NLGN1: variants seen among roughly 807,000 people sequenced by gnomAD.
NLGN1 encodes neuroligin 1.
A neutral mutation model predicts 65.5 loss-of-function variants in NLGN1; 12 were observed. The ratio of observed to expected loss-of-function variants is 0.18; its 90% confidence interval spans 0.12 to 0.30. The LOEUF (loss-of-function observed/expected upper bound fraction) is 0.30, where lower values mean the gene tolerates loss of function less well. Among genes scored for constraint, NLGN1 ranks in the 10% least tolerant of loss-of-function variants. NLGN1 has a pLI of 1.00. For synonymous variants in NLGN1, 350 were observed against 359.5 expected (o/e 0.97, Z 0.30); for missense variants, 750 against 1,007.1 (o/e 0.74, Z 3.46).
At chr3:173,397,284 C>T (rs138067271), upstream of NLGN1, among the ~76,000 whole-genome samples, 8 of 152,218 alleles carry the variant, frequency 5.3e-5, no homozygotes, top group East Asian at 1.5e-3. Context: ...GAGACGAAGC[C>T]GTGTCTAAAT....
intron 1 of NLGN1, among the ~76,000 whole-genome samples, chr3:173,425,885 T>A (rs1318185781): frequency 6.6e-6 from 1 of 152,184 alleles, no homozygotes; most frequent in Non-Finnish European, 1.5e-5. Context: ...ATTGTTATTT[T>A]GATAGGAATT....
At chr3:173,471,924 A>G (rs1457546242) in intron 2 of NLGN1, among the ~76,000 whole-genome samples, 4 of 152,182 alleles carry the variant, frequency 2.6e-5, no homozygotes, top group Non-Finnish European at 5.9e-5. Flanking sequence ...GCAGGTTTGC[A>G]AATTTTAGCA....
intron 4 of NLGN1, among the ~76,000 whole-genome samples, chr3:174,029,969 A>G (rs1729625334): frequency 6.6e-6 from 1 of 152,142 alleles, no homozygotes; most frequent in African/African-American, 2.4e-5. Flanking sequence ...AGTCTCAGCT[A>G]TGTCTTTATT....
At chr3:173,455,597 G>C (rs1722377579) in intron 2 of NLGN1, among the ~76,000 whole-genome samples, 1 of 152,054 alleles carries the variant, frequency 6.6e-6, no homozygotes, top group South Asian at 2.1e-4. Flanking sequence ...AAATGGTGCT[G>C]ATAGACTTGG....
At chr3:173,999,239 A>G (rs1722831576) in intron 4 of NLGN1, among the ~76,000 whole-genome samples, 1 of 152,196 alleles carries the variant, frequency 6.6e-6, no homozygotes, top group Non-Finnish European at 1.5e-5. Context: ...ATATTCTCAT[A>G]ATAGAAGGTC....
intron 4 of NLGN1, among the ~76,000 whole-genome samples, chr3:174,095,703 A>G (rs1745392752): frequency 6.6e-6 from 1 of 152,066 alleles, no homozygotes; most frequent in Non-Finnish European, 1.5e-5. Flanking sequence ...TATATATATT[A>G]CATTCATAAT....
intron 4 of NLGN1, among the ~76,000 whole-genome samples, chr3:174,037,445 A>G (rs1370651403): frequency 1.3e-5 from 2 of 152,194 alleles, no homozygotes; most frequent in African/African-American, 4.8e-5. Context: ...CAGCATGACT[A>G]TACTGGAGAA....
intron 2 of NLGN1, among the ~76,000 whole-genome samples, chr3:173,440,417 A>G (rs1348080480): frequency 1.3e-5 from 2 of 152,132 alleles, no homozygotes; most frequent in African/African-American, 2.4e-5. Flanking sequence ...TTTTCCATTT[A>G]CTTTGCCCAG....
intron 4 of NLGN1, among the ~76,000 whole-genome samples, chr3:173,841,895 A>C (rs555039791): frequency 6.6e-6 from 1 of 152,228 alleles, no homozygotes; most frequent in African/African-American, 2.4e-5. Context: ...TAGTAGGGAC[A>C]GTATCTCAAA....
At chr3:173,569,427 A>T (rs2149325391) in intron 2 of NLGN1, among the ~76,000 whole-genome samples, 1 of 152,068 alleles carries the variant, frequency 6.6e-6, no homozygotes, top group East Asian at 1.9e-4. Flanking sequence ...TTAACATTCA[A>T]GTTCTATCAA....
chr3:173,502,331 G>A (rs1386430626), intron 2 of NLGN1, among the ~76,000 whole-genome samples: 1 of 151,962 alleles, frequency 6.6e-6, no homozygotes, highest in Non-Finnish European at 1.5e-5. Flanking sequence ...AAATCTTCAG[G>A]TCTAAAGGAG....
intron 3 of NLGN1, among the ~76,000 whole-genome samples, chr3:173,742,034 A>G (rs1008841975): frequency 5.9e-5 from 9 of 152,116 alleles, no homozygotes; most frequent in African/African-American, 2.2e-4. Context: ...AAGTTGCAGA[A>G]ATGTCAGTTC....
chr3:173,617,019 G>A (rs955761138), intron 3 of NLGN1, among the ~76,000 whole-genome samples: 1 of 151,968 alleles, frequency 6.6e-6, no homozygotes, highest in African/African-American at 2.4e-5. Context: ...TAGCTTTGTT[G>A]ATATTCTTTT....
intron 4 of NLGN1, among the ~76,000 whole-genome samples, chr3:174,004,301 A>G (rs372883395): frequency 6.6e-6 from 1 of 152,158 alleles, no homozygotes; most frequent in South Asian, 2.1e-4. Flanking sequence ...TCTCTACAAA[A>G]CTAGGCTTAC....
At chr3:173,566,963 A>G (rs979682661) in intron 2 of NLGN1, among the ~76,000 whole-genome samples, 2 of 152,152 alleles carry the variant, frequency 1.3e-5, no homozygotes, top group African/African-American at 2.4e-5. Flanking sequence ...CTGTTATCAA[A>G]TGGTACCATG....
chr3:174,075,010 C>T (rs1278271932), intron 4 of NLGN1, among the ~76,000 whole-genome samples: 1 of 152,094 alleles, frequency 6.6e-6, no homozygotes, highest in Admixed American at 6.6e-5. Context: ...CACTTAGACC[C>T]AATACATTCC....
At position 173,830,013 on chromosome 3, in the gene NLGN1, G is replaced by C. The variant is rs879701195; in HGVS notation, c.646+22181G>C. On this transcript the variant is annotated intron_variant, in intron 4 of 6. Transcript: ENST00000457714. The stretch of plus-strand genomic sequence containing the variant: ...AGAATTACAGTGGGTAGTGTGGGGG[G>C]GGGAGGGAGAGAATAAAAAGAAGTC... Among the ~76,000 whole-genome samples, 21 of 143,976 alleles carry C rather than the reference G, an allele frequency of 1.5e-4. No individual in the cohort carries two copies. The East Asian group carries it at 1.8e-3, about 12-fold the overall frequency. 94.5% of individuals were successfully genotyped at this position (143,976 alleles called of 152,430 possible). A position where few individuals can be genotyped will look rare whatever the true frequency, so the allele number is the denominator to read the frequency against.
intron 2 of NLGN1, among the ~76,000 whole-genome samples, chr3:173,517,513 A>AAT (rs143545325): frequency 4.0e-5 from 6 of 151,850 alleles, no homozygotes; most frequent in South Asian, 4.1e-4. Context: ...ACAATGGACT[A>AAT]ATATATATAT....
At chr3:173,440,383 GGATGGTAAA>G (rs1415787996) in intron 2 of NLGN1, among the ~76,000 whole-genome samples, 1 of 152,046 alleles carries the variant, frequency 6.6e-6, no homozygotes, top group African/African-American at 2.4e-5. Flanking sequence ...GTGGCACCTA[GGATGGTAAA>G]TCTTTGGAAG....
Sources: allele counts gnomAD v4.1 joint callset (sites outside exome capture counted in the v4.1 genomes callset), GRCh38; gene constraint gnomAD v4.1.1; transcripts MANE v1.5; gene names NCBI Gene and HGNC (gene_info 2026-07-23, HGNC 2026-07-21).